SYT14: variants seen among roughly 807,000 people sequenced by gnomAD.
SYT14 encodes synaptotagmin-14.
Under a neutral mutation model 74.2 loss-of-function variants are expected in SYT14, and 32 were observed. That is an observed-to-expected ratio of 0.43 (90% CI 0.33 to 0.58). The LOEUF (loss-of-function observed/expected upper bound fraction) is 0.58. Among genes scored for constraint, SYT14 ranks in the 20% least tolerant of loss-of-function variants. The pLI, the probability that SYT14 is intolerant of heterozygous loss-of-function variation, is 0.05. For missense variants in SYT14, 791 were observed against 981.8 expected (o/e 0.81, Z 2.60); for synonymous variants, 298 against 337.7 (o/e 0.88, Z 1.29).
chr1:210,130,671 G>T (rs1213375519), intron 7 of SYT14, among the ~76,000 whole-genome samples: 1 of 152,154 alleles, frequency 6.6e-6, no homozygotes, highest in Non-Finnish European at 1.5e-5. Flanking sequence ...GACATTAAAA[G>T]ATTTGTTCCA....
At chr1:210,009,349 A>T (rs575935006) in intron 2 of SYT14, among the ~76,000 whole-genome samples, 86 of 152,284 alleles carry the variant, frequency 5.6e-4, no homozygotes, top group South Asian at 4.6e-3. Flanking sequence ...TTATTAGAAG[A>T]TATTTTATTT....
intron 7 of SYT14, among the ~76,000 whole-genome samples, chr1:210,153,627 C>T (rs925131870): frequency 3.3e-5 from 5 of 152,104 alleles, no homozygotes; most frequent in African/African-American, 9.7e-5. Flanking sequence ...CTGTATACAA[C>T]TGCAGTTCAT....
At chr1:210,079,473 C>T (rs185092526) in intron 5 of SYT14, among the ~76,000 whole-genome samples, 5 of 152,066 alleles carry the variant, frequency 3.3e-5, no homozygotes, top group Admixed American at 2.0e-4. Context: ...ACCCATAAAA[C>T]GTAATAGTGA....
chr1:210,097,100 A>C (rs1388910630), intron 6 of SYT14, among the ~76,000 whole-genome samples: 1 of 152,248 alleles, frequency 6.6e-6, no homozygotes, highest in East Asian at 1.9e-4. Flanking sequence ...ACAATATAGC[A>C]AATGCACATT....
chr1:210,013,319 C>T (rs1042570692), intron 2 of SYT14, among the ~76,000 whole-genome samples: 1 of 152,112 alleles, frequency 6.6e-6, no homozygotes, highest in Non-Finnish European at 1.5e-5. Flanking sequence ...GGTTCTCCCA[C>T]TTGGCCTCCC....
chr1:209,952,832 G>T, intron 2 of SYT14, 76 bp downstream of exon 2: 1 of 1,369,430 alleles, frequency 7.3e-7, no homozygotes, highest in South Asian at 1.2e-5. Context: ...TTAGTAGGAT[G>T]GCGGATAATT....
chr1:209,958,456 C>T (rs1174787718), intron 2 of SYT14, among the ~76,000 whole-genome samples: 1 of 151,666 alleles, frequency 6.6e-6, no homozygotes, highest in African/African-American at 2.4e-5. Flanking sequence ...ATAGGAATTA[C>T]ATTGAATCTC....
intron 2 of SYT14, among the ~76,000 whole-genome samples, chr1:209,955,896 A>G (rs941772506): frequency 6.6e-6 from 1 of 152,142 alleles, no homozygotes; most frequent in African/African-American, 2.4e-5. Context: ...CCTCCTATGC[A>G]TTTCTTCAAA....
chr1:210,009,520 T>G (rs1049507599), intron 2 of SYT14, among the ~76,000 whole-genome samples: 2 of 152,080 alleles, frequency 1.3e-5, no homozygotes, highest in Non-Finnish European at 2.9e-5. Context: ...TTTTTTTAAT[T>G]TGTCTGAAGC....
At chr1:210,093,089 C>T (rs748878538) in intron 5 of SYT14, among the ~76,000 whole-genome samples, 1 of 152,004 alleles carries the variant, frequency 6.6e-6, no homozygotes, top group Non-Finnish European at 1.5e-5. Context: ...CTATTAGACT[C>T]ACTAGGTAAG....
chr1:210,065,280 A>C (rs1312083389), intron 5 of SYT14, among the ~76,000 whole-genome samples: 1 of 152,074 alleles, frequency 6.6e-6, no homozygotes, highest in Non-Finnish European at 1.5e-5. Flanking sequence ...GGAGGAACCC[A>C]GTGGGAGGTA....
chr1:210,030,200 G>A (rs891878898), intron 5 of SYT14, among the ~76,000 whole-genome samples: 14 of 151,966 alleles, frequency 9.2e-5, no homozygotes, highest in African/African-American at 3.1e-4. Flanking sequence ...GGAGTGCAGT[G>A]GTGTGATCTT....
intron 5 of SYT14, among the ~76,000 whole-genome samples, chr1:210,024,017 T>A (rs1403282713): frequency 6.6e-6 from 1 of 152,174 alleles, no homozygotes; most frequent in Non-Finnish European, 1.5e-5. Context: ...GAGAGTGTGA[T>A]AAAATGTAGA....
intron 4 of SYT14, among the ~76,000 whole-genome samples, chr1:210,020,558 G>A (rs939361121): frequency 3.3e-5 from 5 of 152,054 alleles, no homozygotes; most frequent in African/African-American, 1.2e-4. Flanking sequence ...AGCATTATCC[G>A]TTTTGAAAAT....
chr1:209,940,782 C>T (rs2078717824), intron 1 of SYT14, among the ~76,000 whole-genome samples: 1 of 152,152 alleles, frequency 6.6e-6, no homozygotes, highest in African/African-American at 2.4e-5. Flanking sequence ...TATCCACTTC[C>T]CTCCTCTGGA....
intron 7 of SYT14, among the ~76,000 whole-genome samples, chr1:210,121,942 A>G (rs1228460164): frequency 1.3e-5 from 2 of 151,828 alleles, no homozygotes; most frequent in Admixed American, 6.6e-5. Context: ...AGCTTAAACC[A>G]GGCTATTCTG....
intron 2 of SYT14, among the ~76,000 whole-genome samples, chr1:210,007,809 T>C (rs533710758): frequency 3.3e-5 from 5 of 152,308 alleles, no homozygotes; most frequent in South Asian, 2.1e-4. Flanking sequence ...ACTTCATAGA[T>C]TTGTGAACTT....
chr1:210,004,673 A>G (rs930262550), intron 2 of SYT14, among the ~76,000 whole-genome samples: 8 of 151,870 alleles, frequency 5.3e-5, no homozygotes, highest in South Asian at 2.1e-4. Flanking sequence ...TTGTATTTCA[A>G]TCTCTAAGGA....
chr1:210,051,666 T>G (rs993259842), intron 5 of SYT14, among the ~76,000 whole-genome samples: 2 of 152,192 alleles, frequency 1.3e-5, no homozygotes, highest in Non-Finnish European at 2.9e-5. Context: ...GTATTTTTTC[T>G]TTTGCATTTT....
Sources: gnomAD v4.1 joint callset for allele counts (sites outside exome capture counted in the v4.1 genomes callset) on GRCh38, gnomAD v4.1.1 for gene constraint, MANE v1.5 for transcripts, NCBI Gene and HGNC (gene_info 2026-07-23, HGNC 2026-07-21) for gene names.